Variants in EGF observed in about 807,000 individuals in gnomAD.
The protein encoded by EGF is epidermal growth factor.
Under a neutral mutation model 143.8 loss-of-function variants are expected in EGF, and 95 were observed. That is an observed-to-expected ratio of 0.66 (90% CI 0.56 to 0.78). The LOEUF (loss-of-function observed/expected upper bound fraction) is 0.78, where lower values mean the gene tolerates loss of function less well. Ranked by LOEUF, EGF falls within the 30% of genes least tolerant of loss-of-function variation. EGF has a pLI of 0.00. For missense variants in EGF, 1,320 were observed against 1,470.9 expected, an observed-to-expected ratio of 0.90 and a Z score of 1.68; for synonymous variants, 510 against 510.5, an observed-to-expected ratio of 1.00 and a Z score of 0.01.
chr4:109,943,486 G>GA lies in EGF; in HGVS notation c.509+52dup. 1.9e-6 allele frequency: 3 copies of GA among 1,572,002 alleles called. No individual in the cohort carries two copies. In the South Asian group the frequency reaches 3.4e-5, roughly 18 times the overall value. On this transcript the variant is annotated intron_variant, in intron 3 of 23. Coordinates refer to ENST00000265171, the MANE Select transcript of EGF (RefSeq NM_001963.6). ...GAAATATATTTACAAATCTAGTGAA[G>GA]ATTGATAGAATTATAACATTGTAAA...
chr4:109,921,053 A>T, intron 1 of EGF, among the ~76,000 whole-genome samples: 1 of 151,588 alleles, frequency 6.6e-6, no homozygotes, highest in East Asian at 1.9e-4. Flanking sequence ...TTCACTGAAC[A>T]GAAGGGATCT....
At chr4:109,994,930 T>A (rs1280241745) in intron 20 of EGF, 50 bp downstream of exon 20, 1 of 1,611,632 alleles carries the variant, frequency 6.2e-7, no homozygotes, top group African/African-American at 1.3e-5. Context: ...ATTCAGTCCA[T>A]AACTTGTAGC....
chr4:109,914,474 C>T (rs901233631), intron 1 of EGF, among the ~76,000 whole-genome samples: 2 of 152,182 alleles, frequency 1.3e-5, no homozygotes, highest in African/African-American at 2.4e-5. Flanking sequence ...AGGCTGCTGT[C>T]CTGGCTCTCC....
chr4:109,963,307 T>C lies in EGF; in HGVS notation c.1438+9T>C, dbSNP rs1229714977. 3.7e-6 allele frequency: 6 copies of C among 1,613,900 alleles called. No individual in the cohort carries two copies. The highest frequency in any genetic ancestry group is 4.5e-5 in the East Asian group (2 of 44,866). ...AAGCTGTGCAGCTTCAGGTTAGTGCTGTGGTTGTCTGGAACTGTGTCCCTG... is the reference window on the plus strand; with the variant it reads ...AAGCTGTGCAGCTTCAGGTTAGTGCCGTGGTTGTCTGGAACTGTGTCCCTG... On this transcript the variant is annotated intron_variant, in intron 9 of 23. Coordinates refer to ENST00000265171, the MANE Select transcript of EGF (RefSeq NM_001963.6).
At chr4:109,957,204 G>A (rs1375959882) in intron 5 of EGF, among the ~76,000 whole-genome samples, 1 of 152,148 alleles carries the variant, frequency 6.6e-6, no homozygotes, top group Non-Finnish European at 1.5e-5. Flanking sequence ...GGCCCCAACA[G>A]ACCAAACCAA....
Position 109,935,722 on chromosome 4 carries a change from C to T in EGF, c.128-5224C>T, listed in dbSNP as rs766093201. On this transcript the variant is annotated intron_variant, in intron 1 of 23. Transcript: ENST00000265171. ...AAGTAGCTTTTATTATTTTGAGATA[C>T]GTTCCATCAATACCAAGAGTTTTTA... Among the ~76,000 whole-genome samples the T allele has an allele frequency of 6.6e-5, 10 of 151,998 alleles. No homozygotes were observed. The East Asian group carries it at 7.7e-4, about 12-fold the overall frequency.
chr4:109,981,336 T>A (rs1190577024), intron 15 of EGF, among the ~76,000 whole-genome samples: 1 of 152,242 alleles, frequency 6.6e-6, no homozygotes, highest in Non-Finnish European at 1.5e-5. Flanking sequence ...GAGGTAGTAG[T>A]ATATGATCTC....
At chr4:110,002,545 T>G (rs1198472921) in intron 21 of EGF, among the ~76,000 whole-genome samples, 1 of 152,188 alleles carries the variant, frequency 6.6e-6, no homozygotes, top group Non-Finnish European at 1.5e-5. Flanking sequence ...AATAAATTTT[T>G]CAAGTATTCT....
At position 109,963,064 on chromosome 4, in the gene EGF, C is replaced by CA. The variant is rs61309548; in HGVS notation, c.1313-92dup. On this transcript the variant is annotated intron_variant, in intron 8 of 23. Transcript: ENST00000265171. ...TGGGTGAAAGAGTGAAACTCCATCTCAAAAAAAAAAAAAAAAATTAACAAA... is the reference window on the plus strand; with the variant it reads ...TGGGTGAAAGAGTGAAACTCCATCTCAAAAAAAAAAAAAAAAAATTAACAAA... The CA allele has an allele frequency of 0.1, 115,077 of 1,103,326 alleles. 90 individuals are homozygous for CA. Among genetic ancestry groups the CA allele is most frequent in the Non-Finnish European group, 0.11 (88,961 of 784,988 alleles). 68.3% of individuals were successfully genotyped at this position (1,103,326 alleles called of 1,614,324 possible).
At chr4:109,984,648 G>A (rs11569034) in intron 16 of EGF, among the ~76,000 whole-genome samples, 4,450 of 152,186 alleles carry the variant, frequency 0.029, 220 homozygotes, top group African/African-American at 0.1. Context: ...AAAAAATCCA[G>A]GTATAAGTGG....
At position 109,913,196 on chromosome 4, in the gene EGF, A is replaced by G. The variant is rs543779474; in HGVS notation, c.-140A>G. The G allele has an allele frequency of 8.0e-5, 81 of 1,008,572 alleles. No homozygotes were observed. Among genetic ancestry groups the G allele is most frequent in the Non-Finnish European group, 1.2e-4 (79 of 654,672 alleles). The allele number at this position is 1,008,572 out of a possible 1,614,324, so 62.5% of individuals were successfully genotyped here. On this transcript the variant is annotated 5_prime_UTR_variant, in exon 1 of 24. Transcript: ENST00000265171. The stretch of plus-strand genomic sequence containing the variant: ...GAAAGAGCTTGGAGGACAACAGCAC[A>G]ACAGGAGAGTAAAAGATGCCCCAGG...
intron 1 of EGF, among the ~76,000 whole-genome samples, chr4:109,927,446 C>T (rs760801927): frequency 8.5e-5 from 13 of 152,100 alleles, no homozygotes; most frequent in East Asian, 1.9e-4. Flanking sequence ...ATGTCCAGGC[C>T]GGGCGCAGTG....
At chr4:110,000,389 G>A (rs1473204879) in intron 21 of EGF, among the ~76,000 whole-genome samples, 1 of 151,586 alleles carries the variant, frequency 6.6e-6, no homozygotes, top group Non-Finnish European at 1.5e-5. Flanking sequence ...CATAGTATAT[G>A]TGTTATTTAT....
Position 109,943,368 on chromosome 4 carries a change from A to T in EGF, c.442A>T (p.Asn148Tyr). 6.2e-7 allele frequency: 1 copy of T among 1,613,752 alleles called. No homozygotes were observed. Among genetic ancestry groups the T allele is most frequent in the South Asian group, 1.1e-5 (1 of 91,022 alleles). The change falls in exon 3 of 24, where the codon AAT becomes TAT. Residue 148 changes from asparagine to tyrosine, a missense_variant. By Grantham distance (143) the Asn-to-Tyr change is moderately radical. Transcript: ENST00000265171. ...CATTACAGTAACAGATATGAAAGGA[A>T]ATAATTCCCACATTCTTTTAAGTGC... ...GIITVTDMKG[N>Y]NSHILLSALK... is the part of the protein sequence containing the mutation.
chr4:109,988,064 A>G (rs1750404470), intron 17 of EGF, among the ~76,000 whole-genome samples: 4 of 152,220 alleles, frequency 2.6e-5, no homozygotes, highest in Admixed American at 2.6e-4. Flanking sequence ...CATTGAGTTT[A>G]TAGTAAAATT....
chr4:109,963,719 A>AT lies in EGF; in HGVS notation c.1438+429dup, dbSNP rs150102791. Among the ~76,000 whole-genome samples, 876 of 151,836 alleles carry AT rather than the reference A, an allele frequency of 5.8e-3. 7 individuals carry two copies. Among genetic ancestry groups the AT allele is most frequent in the African/African-American group, 0.02 (819 of 41,434 alleles). ...CAATATAAAGTTGTACGCTTCAGCT[A>AT]TTTTTTTTGTCTTCTGATATTACCT... On this transcript the variant is annotated intron_variant, in intron 9 of 23. Coordinates refer to ENST00000265171, the MANE Select transcript of EGF (RefSeq NM_001963.6).
At chr4:109,943,561 G>A (rs952688852) in intron 3 of EGF, 126 bp downstream of exon 3, 1 of 1,072,468 alleles carries the variant, frequency 9.3e-7, no homozygotes, top group Non-Finnish European at 1.4e-6. Context: ...GCAGCACACA[G>A]GCACCGTTTT....
intron 1 of EGF, among the ~76,000 whole-genome samples, chr4:109,940,288 A>C (rs1741687220): frequency 6.6e-6 from 1 of 152,206 alleles, no homozygotes; most frequent in African/African-American, 2.4e-5. Flanking sequence ...GTCAAATTTG[A>C]ATTTCAGGTA....
intron 11 of EGF, among the ~76,000 whole-genome samples, chr4:109,972,617 C>T (rs1239744859): frequency 3.3e-5 from 5 of 152,196 alleles, no homozygotes; most frequent in Non-Finnish European, 4.4e-5. Flanking sequence ...CAGCAGTATC[C>T]TTCTTATGAC....
Sources: gnomAD v4.1 joint callset for allele counts (sites outside exome capture counted in the v4.1 genomes callset) on GRCh38, gnomAD v4.1.1 for gene constraint, MANE v1.5 for transcripts, NCBI Gene and HGNC (gene_info 2026-07-23, HGNC 2026-07-21) for gene names.